Variants in DISC1 observed in about 807,000 individuals in gnomAD.
The protein encoded by DISC1 is DISC1 scaffold protein, also known as disrupted in schizophrenia 1 protein.
A neutral mutation model predicts 84.5 loss-of-function variants in DISC1; 57 were observed. The ratio of observed to expected loss-of-function variants is 0.67; its 90% CI spans 0.55 to 0.84. The LOEUF (loss-of-function observed/expected upper bound fraction) is 0.84, where lower values mean the gene tolerates loss of function less well. DISC1 is among the 40% of genes least tolerant of loss of function. The pLI is 0.00. For synonymous variants in DISC1, 411 were observed against 415.2 expected (o/e 0.99, Z 0.12); for missense variants, 1,000 against 1,057.8 (o/e 0.95, Z 0.76).
chr1:231,786,475 A>T (rs1432792103), intron 6 of DISC1, among the ~76,000 whole-genome samples: 2 of 152,214 alleles, frequency 1.3e-5, no homozygotes, highest in African/African-American at 2.4e-5. Context: ...GTCACCTTGG[A>T]TGTGCCTCTA....
chr1:231,819,281 C>T (rs1023478120), intron 9 of DISC1: 9 of 525,060 alleles, frequency 1.7e-5, no homozygotes, highest in Non-Finnish European at 2.2e-5. Context: ...TAAGAAAAAA[C>T]GGGGCTGATA....
intron 9 of DISC1, among the ~76,000 whole-genome samples, chr1:231,869,529 A>G (rs1418804384): frequency 6.6e-6 from 1 of 152,042 alleles, no homozygotes; most frequent in African/African-American, 2.4e-5. Flanking sequence ...TACAAGAAGC[A>G]TGACACTGGC....
intron 6 of DISC1, among the ~76,000 whole-genome samples, chr1:231,794,080 G>A (rs1573870450): frequency 6.6e-6 from 1 of 152,092 alleles, no homozygotes; most frequent in African/African-American, 2.4e-5. Context: ...CACCACGCCC[G>A]GCCCCTAACT....
intron 11 of DISC1, among the ~76,000 whole-genome samples, chr1:232,021,554 C>T (rs1435910300): frequency 6.6e-6 from 1 of 152,160 alleles, no homozygotes; most frequent in Non-Finnish European, 1.5e-5. Flanking sequence ...GAAGTCTGGG[C>T]ATTAGCACTT....
intron 9 of DISC1, among the ~76,000 whole-genome samples, chr1:231,905,458 A>C (rs2088559698): frequency 6.6e-6 from 1 of 151,618 alleles, no homozygotes; most frequent in East Asian, 1.9e-4. Flanking sequence ...CGTCTCCACA[A>C]ATTTTTTTTT....
At chr1:231,913,430 C>T (rs1183466181) in intron 9 of DISC1, among the ~76,000 whole-genome samples, 1 of 152,216 alleles carries the variant, frequency 6.6e-6, no homozygotes, top group Non-Finnish European at 1.5e-5. Context: ...CCAAGGGCGT[C>T]TCCTGGAAGG....
intron 3 of DISC1, among the ~76,000 whole-genome samples, chr1:231,718,002 A>G (rs1488748780): frequency 1.3e-5 from 2 of 152,158 alleles, no homozygotes; most frequent in East Asian, 3.9e-4. Context: ...CCCCTATTAC[A>G]ATGAATGGCA....
At chr1:231,734,503 G>A (rs144901631) in intron 3 of DISC1, among the ~76,000 whole-genome samples, 62 of 150,592 alleles carry the variant, frequency 4.1e-4, no homozygotes, top group Middle Eastern at 3.4e-3. Flanking sequence ...TCTCTCTCAC[G>A]CACACACACA....
intron 9 of DISC1, among the ~76,000 whole-genome samples, chr1:231,942,604 G>T (rs1262184426): frequency 6.6e-6 from 1 of 152,168 alleles, no homozygotes; most frequent in Non-Finnish European, 1.5e-5. Flanking sequence ...GGCAGAGGTT[G>T]CAGCGAGCCG....
At chr1:231,782,045 C>G (rs989838795) in intron 6 of DISC1, among the ~76,000 whole-genome samples, 1 of 152,212 alleles carries the variant, frequency 6.6e-6, no homozygotes, top group Admixed American at 6.5e-5. Flanking sequence ...CAAAGCCAGA[C>G]AGAACCTCTA....
At position 231,896,140 on chromosome 1, in the gene DISC1, G is replaced by A. The variant is rs116659882; in HGVS notation, c.1982-62688G>A. ...GTACCAATGATGGCTGTTCATAGCC[G>A]ACTGCATCATTTTCCATGAAATTAC... is the stretch of plus-strand genomic sequence containing the variant. On this transcript the variant is annotated intron_variant, in intron 9 of 12. Coordinates refer to ENST00000439617, the MANE Select transcript of DISC1 (RefSeq NM_018662.3). Among the ~76,000 whole-genome samples, 604 of 152,198 alleles carry A rather than the reference G, an allele frequency of 4.0e-3. 6 individuals are homozygous for A. The highest frequency in any genetic ancestry group is 0.014 in the African/African-American group (569 of 41,516).
intron 9 of DISC1, among the ~76,000 whole-genome samples, chr1:231,901,698 G>T (rs139593823): frequency 1.3e-5 from 2 of 152,166 alleles, no homozygotes; most frequent in East Asian, 1.9e-4. Flanking sequence ...ATTTTTTCTT[G>T]TTCACTGGCA....
chr1:231,866,100 G>A lies in DISC1; in HGVS notation c.1981+47583G>A, dbSNP rs2085034059. The stretch of plus-strand genomic sequence containing the variant: ...GTCCAGACCTCTGAGCCTGGTGTGT[G>A]TGTGTGGCTCAGTGCCTTTCCCATA... On this transcript the variant is annotated intron_variant, in intron 9 of 12. Transcript: ENST00000439617. 2.0e-5 allele frequency among the ~76,000 whole-genome samples: 3 copies of A among 152,252 alleles called. No individual in the cohort carries two copies. The South Asian group carries it at 6.2e-4, about 32-fold the overall frequency.
chr1:231,722,916 G>A (rs1340516296), intron 3 of DISC1: 2 of 1,283,512 alleles, frequency 1.6e-6, no homozygotes, highest in Non-Finnish European at 2.0e-6. Flanking sequence ...TTAGATTTTT[G>A]TAGGGGGGAG....
At chr1:231,790,018 G>A (rs2078205822) in intron 6 of DISC1, among the ~76,000 whole-genome samples, 1 of 151,860 alleles carries the variant, frequency 6.6e-6, no homozygotes, top group Non-Finnish European at 1.5e-5. Flanking sequence ...TTTTCTTAGA[G>A]CCACCATTCA....
intron 3 of DISC1, among the ~76,000 whole-genome samples, chr1:231,713,698 T>G (rs2068184920): frequency 9.2e-6 from 1 of 108,450 alleles, no homozygotes; most frequent in Non-Finnish European, 1.8e-5. Context: ...TATATATATA[T>G]AGGAGATATA....
At chr1:231,656,784 C>T (rs1240166049) in intron 1 of DISC1, among the ~76,000 whole-genome samples, 1 of 152,188 alleles carries the variant, frequency 6.6e-6, no homozygotes, top group African/African-American at 2.4e-5. Context: ...TCCCTCCCAC[C>T]CACTGCCCAC....
rs142767965 is a variant in DISC1 at position 232,025,758 on chromosome 1, G to A, written c.2308-677G>A. 6.4e-3 allele frequency among the ~76,000 whole-genome samples: 972 copies of A among 152,018 alleles called. 6 individuals are homozygous for A. Among genetic ancestry groups the A allele is most frequent in the African/African-American group, 0.022 (931 of 41,476 alleles). ...ACTACAGGCGCCCGCCACTACGCCC[G>A]GCTAATTTTTTGTATTCTTAGTAAA... On this transcript the variant is annotated intron_variant, in intron 11 of 12. Coordinates refer to ENST00000439617, the MANE Select transcript of DISC1 (RefSeq NM_018662.3).
At chr1:231,988,583 C>T (rs530112756) in intron 10 of DISC1, among the ~76,000 whole-genome samples, 76 of 152,286 alleles carry the variant, frequency 5.0e-4, no homozygotes, top group Non-Finnish European at 9.7e-4. Flanking sequence ...TGTTAGGATA[C>T]AGCAAGAAGG....
Sources: gnomAD v4.1 joint callset for allele counts (sites outside exome capture counted in the v4.1 genomes callset) on GRCh38, gnomAD v4.1.1 for gene constraint, MANE v1.5 for transcripts, NCBI Gene and HGNC (gene_info 2026-07-23, HGNC 2026-07-21) for gene names.